The following FAM169A variants were observed in gnomAD, a reference collection of about 807,000 sequenced individuals.
FAM169A encodes the protein family with sequence similarity 169 member A, also known as soluble lamin-associated protein of 75 kDa.
In FAM169A, 24 loss-of-function variants were observed where a neutral mutation model predicts 75.7. The observed-to-expected ratio is 0.32, with a 90% CI of 0.23 to 0.45. The LOEUF (loss-of-function observed/expected upper bound fraction) is 0.45, where lower values mean the gene tolerates loss of function less well. Among genes scored for constraint, FAM169A ranks in the 20% least tolerant of loss-of-function variants. The probability of loss-of-function intolerance (pLI) is 1.00; values close to 1 mark genes in which losing one functional copy is unlikely to be tolerated. For synonymous variants in FAM169A, 271 were observed against 271.0 expected (o/e 1.00, Z 0.00); for missense variants, 673 against 784.0 (o/e 0.86, Z 1.69).
chr5:74,862,107 G>A (rs1750066123), intron 1 of FAM169A, among the ~76,000 whole-genome samples: 1 of 152,176 alleles, frequency 6.6e-6, no homozygotes, highest in Admixed American at 6.5e-5. Flanking sequence ...CATAGCCACA[G>A]CTTTGCTTCA....
chr5:74,849,382 G>A (rs1441467617), intron 1 of FAM169A, among the ~76,000 whole-genome samples: 1 of 151,932 alleles, frequency 6.6e-6, no homozygotes, highest in African/African-American at 2.4e-5. Flanking sequence ...TATTCTACAT[G>A]TTCAGCTCGT....
Position 74,808,305 on chromosome 5 carries a change from AT to A in FAM169A, c.671-3022del, listed in dbSNP as rs538317998. Among the ~76,000 whole-genome samples the A allele has an allele frequency of 7.2e-5, 11 of 152,358 alleles. No individual in the cohort carries two copies. The South Asian group carries it at 2.1e-3, about 29-fold the overall frequency. Reference sequence around the variant, plus strand: ...CTATCCAGCCATAAAAAGGAATGGAATTTTGATACTGTATATGCTACAACAT... The same window carrying A: ...CTATCCAGCCATAAAAAGGAATGGAATTTGATACTGTATATGCTACAACAT... On this transcript the variant is annotated intron_variant, in intron 6 of 12. Coordinates refer to ENST00000687041, the MANE Select transcript of FAM169A (RefSeq NM_001376049.1).
intron 1 of FAM169A, among the ~76,000 whole-genome samples, chr5:74,860,756 C>A (rs1749989202): frequency 6.7e-6 from 1 of 148,216 alleles, no homozygotes. Flanking sequence ...TTCTTAGTTT[C>A]TTTCAGCAAC....
intron 4 of FAM169A, among the ~76,000 whole-genome samples, 164 bp downstream of exon 4, chr5:74,838,801 G>A (rs1291233379): frequency 6.6e-6 from 1 of 152,164 alleles, no homozygotes; most frequent in Non-Finnish European, 1.5e-5. Context: ...TAAAAATGGA[G>A]GAAGCCCAAC....
intron 6 of FAM169A, 85 bp from the exon 7 acceptor site, chr5:74,805,369 CACTT>C: frequency 7.7e-7 from 1 of 1,291,878 alleles, no homozygotes; most frequent in South Asian, 1.3e-5. Flanking sequence ...CTTCCCAACT[CACTT>C]AACGGGGCTA....
intron 1 of FAM169A, among the ~76,000 whole-genome samples, chr5:74,857,572 GAAAAAAAAAA>G (rs35476827): frequency 8.3e-4 from 47 of 56,310 alleles, no homozygotes; most frequent in South Asian, 3.9e-3. Flanking sequence ...CTTGCCGCGG[GAAAAAAAAAA>G]AAAAAAAAAA....
At chr5:74,825,401 T>G (rs1747972296) in intron 5 of FAM169A, among the ~76,000 whole-genome samples, 2 of 152,206 alleles carry the variant, frequency 1.3e-5, no homozygotes. Context: ...GTGGCCAGCA[T>G]GACTGAGAAA....
intron 1 of FAM169A, among the ~76,000 whole-genome samples, chr5:74,843,805 T>C (rs865960075): frequency 2.6e-5 from 4 of 152,348 alleles, no homozygotes; most frequent in Non-Finnish European, 4.4e-5. Context: ...TTGGCAATTA[T>C]GAATAAAGCT....
chr5:74,799,457 T>C (rs765180502), intron 10 of FAM169A: 31 of 1,612,030 alleles, frequency 1.9e-5, no homozygotes, highest in Non-Finnish European at 4.2e-6. Flanking sequence ...CCCAACAATG[T>C]TTTGCTGGCA....
intron 5 of FAM169A, among the ~76,000 whole-genome samples, chr5:74,824,987 T>A (rs1439163940): frequency 6.6e-6 from 1 of 152,082 alleles, no homozygotes; most frequent in African/African-American, 2.4e-5. Flanking sequence ...CACCCCTAAA[T>A]AGTAATTTGT....
At chr5:74,820,044 G>A (rs540620390) in intron 5 of FAM169A, among the ~76,000 whole-genome samples, 16 of 143,034 alleles carry the variant, frequency 1.1e-4, no homozygotes, top group Non-Finnish European at 2.4e-4. Flanking sequence ...TGCCCAGGCT[G>A]GAGTGCACTG....
chr5:74,850,566 C>T (rs560872605), intron 1 of FAM169A, among the ~76,000 whole-genome samples: 71 of 152,148 alleles, frequency 4.7e-4, no homozygotes, highest in Non-Finnish European at 9.3e-4. Flanking sequence ...GGAGTGTATT[C>T]TTGAGCCAAA....
At chr5:74,814,252 T>C (rs770122809) in intron 5 of FAM169A, among the ~76,000 whole-genome samples, 13 of 152,152 alleles carry the variant, frequency 8.5e-5, no homozygotes, top group African/African-American at 1.9e-4. Context: ...TCATCAAATA[T>C]AGGACAAATA....
intron 1 of FAM169A, among the ~76,000 whole-genome samples, chr5:74,842,159 C>T (rs1186041294): frequency 4.2e-5 from 6 of 144,380 alleles, no homozygotes; most frequent in African/African-American, 1.4e-4. Context: ...CAGTGGCTCA[C>T]GCCTGTAATT....
chr5:74,793,566 G>C (rs1241508318), intron 11 of FAM169A, among the ~76,000 whole-genome samples: 2 of 152,124 alleles, frequency 1.3e-5, no homozygotes, highest in Non-Finnish European at 2.9e-5. Context: ...GGAAAGGGTA[G>C]GAGGCGGGTG....
At chr5:74,821,490 C>T (rs1352242155) in intron 5 of FAM169A, among the ~76,000 whole-genome samples, 1 of 152,174 alleles carries the variant, frequency 6.6e-6, no homozygotes, top group Non-Finnish European at 1.5e-5. Context: ...TGAAGACATA[C>T]ATAAAGTGAA....
At chr5:74,813,792 G>C (rs1289808486) in intron 6 of FAM169A, 48 bp downstream of exon 6, 1 of 1,348,834 alleles carries the variant, frequency 7.4e-7, no homozygotes, top group African/African-American at 1.5e-5. Flanking sequence ...AAACAAGTCG[G>C]AAGTGACACA....
At chr5:74,848,010 C>CATA (rs1749248886) in intron 1 of FAM169A, among the ~76,000 whole-genome samples, 1 of 152,102 alleles carries the variant, frequency 6.6e-6, no homozygotes, top group African/African-American at 2.4e-5. Context: ...CTGTATCCAT[C>CATA]ATAGCTTTTA....
rs1745215196 is a variant in FAM169A at position 74,778,145 on chromosome 5, TGTAAG to T, written c.*3310_*3314del. The T allele has an allele frequency of 6.6e-6, 1 of 152,022 alleles. No individual in the cohort carries two copies. The highest frequency in any genetic ancestry group is 1.9e-4 in the East Asian group (1 of 5,202). The allele number at this position is 152,022 out of a possible 1,614,324, so 9.4% of individuals were successfully genotyped here. On this transcript the variant is annotated 3_prime_UTR_variant, in exon 13 of 13. Coordinates refer to ENST00000687041, the MANE Select transcript of FAM169A (RefSeq NM_001376049.1). ...TTTTTTAGAACCAAAAATACTATCT[TGTAAG>T]GTACAAAGAAAGCTTGATATTAAGT...
Sources: allele counts gnomAD v4.1 joint callset (sites outside exome capture counted in the v4.1 genomes callset), GRCh38; gene constraint gnomAD v4.1.1; transcripts MANE v1.5; gene names NCBI Gene and HGNC (gene_info 2026-07-23, HGNC 2026-07-21).